The following HS3ST3A1 variants were observed in gnomAD, a reference collection of about 807,000 sequenced individuals.
HS3ST3A1 encodes heparan sulfate glucosamine 3-O-sulfotransferase 3A1.
Under a neutral mutation model 25.7 loss-of-function variants are expected in HS3ST3A1, and 19 were observed. That is an observed-to-expected ratio of 0.74 (90% CI 0.52 to 1.08). The LOEUF is 1.08. Among genes scored for constraint, HS3ST3A1 ranks in the 50% least tolerant of loss-of-function variants. The pLI, the probability that HS3ST3A1 is intolerant of heterozygous loss-of-function variation, is 0.00. For missense variants in HS3ST3A1, 459 were observed against 594.3 expected (o/e 0.77, Z 2.37); for synonymous variants, 226 against 278.6 (o/e 0.81, Z 1.88).
At chr17:13,554,581 G>A (rs755123789) in intron 1 of HS3ST3A1, among the ~76,000 whole-genome samples, 4 of 152,162 alleles carry the variant, frequency 2.6e-5, no homozygotes, top group Non-Finnish European at 4.4e-5. Flanking sequence ...TGAGGGGTGC[G>A]CAGCTGATTA....
chr17:13,545,740 G>A lies in HS3ST3A1; in HGVS notation c.600-48922C>T, dbSNP rs113569300. On this transcript the variant is annotated intron_variant, in intron 1 of 1. Transcript: ENST00000284110. ...GGTGGTAATCTCAGCATTTTCGGGGGCCGAGGCGCATGGATCACTTGAGGT... is the reference window on the plus strand; with the variant it reads ...GGTGGTAATCTCAGCATTTTCGGGGACCGAGGCGCATGGATCACTTGAGGT... Among the ~76,000 whole-genome samples, 413 of 152,292 alleles carry A rather than the reference G, an allele frequency of 2.7e-3. 4 individuals are homozygous for A. Among genetic ancestry groups the A allele is most frequent in the African/African-American group, 9.0e-3 (372 of 41,556 alleles).
At chr17:13,516,321 AAAAT>A (rs572490348) in intron 1 of HS3ST3A1, among the ~76,000 whole-genome samples, 5 of 152,000 alleles carry the variant, frequency 3.3e-5, no homozygotes, top group Non-Finnish European at 5.9e-5. Flanking sequence ...AAAAAATAAA[AAAAT>A]AAATAAATAA....
chr17:13,546,484 T>G (rs1010495093), intron 1 of HS3ST3A1, among the ~76,000 whole-genome samples: 1 of 152,048 alleles, frequency 6.6e-6, no homozygotes. Flanking sequence ...GCCAAGATGG[T>G]CTTGATCTCC....
Position 13,600,953 on chromosome 17 carries a change from G to C in HS3ST3A1, c.177C>G (p.Gly59=), listed in dbSNP as rs954444074. The change falls in exon 1 of 2, where the codon GGC becomes GGG. Residue 59 remains glycine, a synonymous_variant. Transcript: ENST00000284110. ...CACCAGGGGCCCCCGCCTCCTCGCC[G>C]CCGCCGGACAGCCCCACGACGGGGC... The part of the protein sequence containing the change: ...LSGPVVGLSG[G]GEEAGAPGGG... The C allele has an allele frequency of 2.6e-6, 4 of 1,537,742 alleles. No homozygotes were observed. The highest frequency in any genetic ancestry group is 3.5e-6 in the Non-Finnish European group (4 of 1,142,212).
chr17:13,497,899 G>T (rs553840432), intron 1 of HS3ST3A1, among the ~76,000 whole-genome samples: 2 of 151,912 alleles, frequency 1.3e-5, no homozygotes, highest in South Asian at 2.1e-4. Flanking sequence ...TTTTTATTTC[G>T]CATCTGCAAG....
chr17:13,536,224 C>A (rs1481755976), intron 1 of HS3ST3A1, among the ~76,000 whole-genome samples: 1 of 152,076 alleles, frequency 6.6e-6, no homozygotes, highest in East Asian at 1.9e-4. Context: ...AAGAGATAAA[C>A]CTGACAACTT....
At chr17:13,593,056 G>C (rs867730452) in intron 1 of HS3ST3A1, among the ~76,000 whole-genome samples, 3 of 152,136 alleles carry the variant, frequency 2.0e-5, no homozygotes, top group Admixed American at 2.0e-4. Flanking sequence ...ATAACCCAAA[G>C]TGTCTACAAC....
At chr17:13,565,359 C>T (rs1367183180) in intron 1 of HS3ST3A1, among the ~76,000 whole-genome samples, 12 of 151,948 alleles carry the variant, frequency 7.9e-5, no homozygotes, top group Admixed American at 7.2e-4. Context: ...TAGTGAATCC[C>T]CATCTCTACA....
intron 1 of HS3ST3A1, among the ~76,000 whole-genome samples, chr17:13,537,263 G>A (rs1483112395): frequency 6.6e-6 from 1 of 152,232 alleles, no homozygotes; most frequent in East Asian, 1.9e-4. Flanking sequence ...TGGATAAATA[G>A]AGTGGACTTC....
chr17:13,541,432 G>A (rs904632729), intron 1 of HS3ST3A1, among the ~76,000 whole-genome samples: 39 of 152,082 alleles, frequency 2.6e-4, no homozygotes, highest in Admixed American at 1.0e-3. Flanking sequence ...CTCATCCTGG[G>A]TAATTCATCA....
intron 1 of HS3ST3A1, among the ~76,000 whole-genome samples, chr17:13,514,970 G>A (rs1906003962): frequency 6.6e-6 from 1 of 152,044 alleles, no homozygotes; most frequent in Non-Finnish European, 1.5e-5. Flanking sequence ...TGAACTATAT[G>A]TACTAAAAAG....
chr17:13,496,407 C>G lies in HS3ST3A1; in HGVS notation c.1011G>C (p.Thr337=), dbSNP rs755438896. The change falls in exon 2 of 2, where the codon ACG becomes ACC. Residue 337 remains threonine (T), a synonymous_variant. Coordinates refer to ENST00000284110, the MANE Select transcript of HS3ST3A1 (RefSeq NM_006042.3). ...QDFLGLKRII[T]DKHFYFNKTK... Reference sequence around the variant, plus strand: ...TCTTGTTGAAGTAGAAGTGCTTGTCCGTGATGATCCTCTTGAGGCCCAGGA... The same window carrying G: ...TCTTGTTGAAGTAGAAGTGCTTGTCGGTGATGATCCTCTTGAGGCCCAGGA... 7.3e-7 allele frequency: 1 copy of G among 1,362,430 alleles called. No individual in the cohort carries two copies. The highest frequency in any genetic ancestry group is 1.0e-6 in the Non-Finnish European group (1 of 982,860). The allele number at this position is 1,362,430 out of a possible 1,614,324, so 84.4% of individuals were successfully genotyped here. A position where few individuals can be genotyped will look rare whatever the true frequency, so the allele number is the denominator to read the frequency against.
chr17:13,564,950 G>A (rs1958040916), intron 1 of HS3ST3A1, among the ~76,000 whole-genome samples: 1 of 152,080 alleles, frequency 6.6e-6, no homozygotes, highest in African/African-American at 2.4e-5. Context: ...GCAAACTCCT[G>A]ACCTCAAGTG....
chr17:13,498,195 C>T (rs905717833), intron 1 of HS3ST3A1, among the ~76,000 whole-genome samples: 2 of 152,164 alleles, frequency 1.3e-5, no homozygotes, highest in Non-Finnish European at 2.9e-5. Context: ...TATTCCTGCT[C>T]CCATCTGCAT....
At chr17:13,507,456 A>G (rs1905721796) in intron 1 of HS3ST3A1, among the ~76,000 whole-genome samples, 1 of 152,258 alleles carries the variant, frequency 6.6e-6, no homozygotes, top group African/African-American at 2.4e-5. Context: ...GCCAGGGAAC[A>G]TCAGAGTGAC....
chr17:13,540,969 C>T (rs1598420109), intron 1 of HS3ST3A1, among the ~76,000 whole-genome samples: 1 of 152,176 alleles, frequency 6.6e-6, no homozygotes, highest in Non-Finnish European at 1.5e-5. Context: ...CTTAAGGGAA[C>T]ACATGTGGAT....
intron 1 of HS3ST3A1, among the ~76,000 whole-genome samples, chr17:13,562,336 C>T (rs994625380): frequency 4.6e-5 from 7 of 152,072 alleles, no homozygotes; most frequent in African/African-American, 1.4e-4. Flanking sequence ...ACGTGTGTGC[C>T]GTGGACAGAC....
At chr17:13,519,330 C>G (rs191240569) in intron 1 of HS3ST3A1, among the ~76,000 whole-genome samples, 1 of 152,310 alleles carries the variant, frequency 6.6e-6, no homozygotes, top group African/African-American at 2.4e-5. Flanking sequence ...TTATCTATCA[C>G]GCTGATAGGT....
intron 1 of HS3ST3A1, among the ~76,000 whole-genome samples, chr17:13,578,216 T>C (rs916937563): frequency 6.6e-6 from 1 of 151,958 alleles, no homozygotes. Context: ...ACAGAATCCA[T>C]GCAATCTTTT....
Sources: allele counts gnomAD v4.1 joint callset (sites outside exome capture counted in the v4.1 genomes callset), GRCh38; gene constraint gnomAD v4.1.1; transcripts MANE v1.5; gene names NCBI Gene and HGNC (gene_info 2026-07-23, HGNC 2026-07-21).